FRMPD4: variants seen among roughly 807,000 people sequenced by gnomAD.
FRMPD4 encodes the protein FERM and PDZ domain containing 4.
Under a neutral mutation model 94.1 loss-of-function variants are expected in FRMPD4, and 22 were observed. The ratio of observed to expected loss-of-function variants is 0.23; its 90% CI spans 0.17 to 0.33. The LOEUF (loss-of-function observed/expected upper bound fraction) is 0.33. FRMPD4 is among the 10% of genes least tolerant of loss of function. The pLI, the probability that FRMPD4 is intolerant of heterozygous loss-of-function variation, is 1.00. For synonymous variants in FRMPD4, 631 were observed against 548.6 expected (o/e 1.15, Z -2.10); for missense variants, 1,111 against 1,339.9 (o/e 0.83, Z 2.67).
chrX:12,705,537 T>A (rs1413064182), intron 11 of FRMPD4, among the ~76,000 whole-genome samples: 2 of 111,371 alleles, frequency 1.8e-5, no homozygotes, highest in Non-Finnish European at 3.8e-5. Flanking sequence ...GACAATTTTT[T>A]TTTTTAAGTA....
chrX:11,893,098 C>T (rs1316456554), intron 3 of FRMPD4, among the ~76,000 whole-genome samples: 4 of 111,768 alleles, frequency 3.6e-5, no homozygotes, highest in Non-Finnish European at 7.5e-5. Context: ...GATGGTACTT[C>T]GGTACATTAG....
At chrX:11,955,575 TA>T (rs1351323442) in intron 3 of FRMPD4, among the ~76,000 whole-genome samples, 2 of 109,268 alleles carry the variant, frequency 1.8e-5, no homozygotes, top group Non-Finnish European at 3.8e-5. Context: ...CCGTCTCTAC[TA>T]AAAAAATACA....
At chrX:12,485,353 C>T (rs989768333) in intron 1 of FRMPD4, among the ~76,000 whole-genome samples, 1 of 112,039 alleles carries the variant, frequency 8.9e-6, no homozygotes, top group African/African-American at 3.2e-5. Flanking sequence ...TTTTGCATTC[C>T]TACTGAGTTT....
At chrX:12,387,207 C>T (rs1010474106) in intron 1 of FRMPD4, among the ~76,000 whole-genome samples, 1 of 112,014 alleles carries the variant, frequency 8.9e-6, no homozygotes, top group Non-Finnish European at 1.9e-5. Context: ...TTTTTAGTAA[C>T]AAAATTTGCA....
chrX:12,692,047 G>T (rs1460547818), intron 8 of FRMPD4, among the ~76,000 whole-genome samples: 3 of 111,927 alleles, frequency 2.7e-5, no homozygotes, highest in Non-Finnish European at 3.8e-5. Flanking sequence ...ACAACGTTTT[G>T]ATCTTTCTGG....
intron 2 of FRMPD4, among the ~76,000 whole-genome samples, chrX:12,565,645 G>A (rs1343238458): frequency 8.9e-6 from 1 of 112,109 alleles, no homozygotes; most frequent in Non-Finnish European, 1.9e-5. Flanking sequence ...AAGAGACTAA[G>A]GAGACATGAC....
At chrX:11,967,751 TG>T (rs1354998509) in intron 3 of FRMPD4, among the ~76,000 whole-genome samples, 18 of 79,871 alleles carry the variant, frequency 2.3e-4, no homozygotes, top group African/African-American at 6.5e-4. Flanking sequence ...TGTGTGTGTG[TG>T]TGTGTTTTTT....
In FRMPD4 at chrX:12,716,219, T is replaced by A; in HGVS notation, c.1760T>A (p.Met587Lys). Residue 587 changes from methionine (M) to lysine (K), a missense_variant, in exon 15 of 17, where the codon ATG becomes AAG. Physicochemically the swap from Met to Lys is moderately conservative, Grantham distance 95. Around this residue, in one of 8 missense-constraint regions of FRMPD4, gnomAD observed 192 missense variants for 192.5 expected, o/e 1.00. Transcript: ENST00000675598. ...ACGGTGGAGATCACAGACAGCACCA[T>A]GTGTCCAAAAGAGCACCGGCACTTG... ...QKTVEITDST[M>K]CPKEHRHLYI... is the part of the protein sequence containing the mutation. The A allele has an allele frequency of 4.1e-6, 5 of 1,209,604 alleles. No homozygotes were observed. Among genetic ancestry groups the A allele is most frequent in the Non-Finnish European group, 5.6e-6 (5 of 893,841 alleles).
At chrX:12,454,761 A>G in intron 1 of FRMPD4, among the ~76,000 whole-genome samples, 1 of 109,735 alleles carries the variant, frequency 9.1e-6, no homozygotes, top group Non-Finnish European at 1.9e-5. Context: ...TTTTTCAGAG[A>G]CAATGAGTTC....
chrX:12,232,007 G>A (rs925844274), intron 1 of FRMPD4, among the ~76,000 whole-genome samples: 3 of 111,394 alleles, frequency 2.7e-5, no homozygotes, highest in Admixed American at 9.6e-5. Flanking sequence ...GAGTGAAAAG[G>A]AGGCTATTAA....
rs1251677764 is a variant in FRMPD4, at chrX:12,044,427, G to A, written c.95+166409G>A. Among the ~76,000 whole-genome samples, 4 of 111,931 alleles carry A rather than the reference G, an allele frequency of 3.6e-5. No homozygotes were observed. In the East Asian group the frequency reaches 1.1e-3, roughly 31 times the overall value. On this transcript the variant is annotated intron_variant, in intron 3 of 18. Transcript: ENST00000640291. The stretch of plus-strand genomic sequence containing the variant: ...TTCATTGGTCCAGATATAAGAGATA[G>A]GAAGGTGAGTATGGAACACTCAAGC...
chrX:11,895,994 G>A (rs1455911816), intron 3 of FRMPD4, among the ~76,000 whole-genome samples: 1 of 111,959 alleles, frequency 8.9e-6, no homozygotes, highest in African/African-American at 3.3e-5. Context: ...CTATATAAGG[G>A]CTCAAAGATT....
intron 3 of FRMPD4, among the ~76,000 whole-genome samples, chrX:12,046,430 ACTAT>A (rs1436419717): frequency 9.1e-6 from 1 of 110,069 alleles, no homozygotes; most frequent in Non-Finnish European, 1.9e-5. Context: ...AAATTCTGAC[ACTAT>A]CTACCTGGAG....
intron 3 of FRMPD4, among the ~76,000 whole-genome samples, chrX:12,084,631 A>G (rs1235241345): frequency 8.9e-6 from 1 of 112,206 alleles, no homozygotes; most frequent in Non-Finnish European, 1.9e-5. Context: ...ATAGTAGGAC[A>G]ACAAATAAGC....
chrX:12,177,410 T>C (rs1478427910), intron 1 of FRMPD4, among the ~76,000 whole-genome samples: 2 of 112,439 alleles, frequency 1.8e-5, no homozygotes, highest in African/African-American at 6.5e-5. Context: ...CAAGAGATAA[T>C]TCTAGTTTTC....
At chrX:12,375,556 G>A (rs374397977) in intron 1 of FRMPD4, among the ~76,000 whole-genome samples, 23 of 112,456 alleles carry the variant, frequency 2.0e-4, no homozygotes, top group African/African-American at 4.5e-4. Context: ...CTTCTTCTGC[G>A]TTACTTTTCT....
intron 1 of FRMPD4, among the ~76,000 whole-genome samples, chrX:12,162,070 A>G (rs1225139789): frequency 8.9e-6 from 1 of 112,298 alleles, no homozygotes; most frequent in African/African-American, 3.2e-5. Context: ...ATAAAAAAGA[A>G]AAGAAAAAAC....
intron 1 of FRMPD4, among the ~76,000 whole-genome samples, chrX:12,278,113 C>T (rs1569215713): frequency 8.9e-6 from 1 of 112,575 alleles, no homozygotes; most frequent in Non-Finnish European, 1.9e-5. Flanking sequence ...TTCAAGTCCA[C>T]GGCTATTCTT....
intron 3 of FRMPD4, among the ~76,000 whole-genome samples, chrX:11,981,973 C>G (rs2054400006): frequency 9.0e-6 from 1 of 111,489 alleles, no homozygotes; most frequent in Non-Finnish European, 1.9e-5. Flanking sequence ...CTTTGTAACT[C>G]TACAAATTAG....
Sources: gnomAD v4.1 joint callset for allele counts (sites outside exome capture counted in the v4.1 genomes callset) on GRCh38, gnomAD v4.1.1 for gene constraint, gnomAD v4.1.1 regional missense constraint, MANE v1.5 for transcripts, NCBI Gene and HGNC (gene_info 2026-07-23, HGNC 2026-07-21) for gene names.